ATF7: variants seen among roughly 807,000 people sequenced by gnomAD.
The protein encoded by ATF7 is activating transcription factor 7.
A neutral mutation model predicts 50.4 loss-of-function variants in ATF7; 10 were observed. The ratio of observed to expected loss-of-function variants is 0.20; its 90% CI spans 0.12 to 0.34. The LOEUF is 0.34. ATF7 is among the 10% of genes least tolerant of loss of function. ATF7 has a pLI of 1.00. For missense variants in ATF7, 465 were observed against 613.9 expected (o/e 0.76, Z 2.56); for synonymous variants, 201 against 226.4 (o/e 0.89, Z 1.01).
chr12:53,547,787 GTA>G (rs1247346237), intron 3 of ATF7, among the ~76,000 whole-genome samples: 1 of 142,578 alleles, frequency 7.0e-6, no homozygotes, highest in African/African-American at 2.6e-5. Context: ...ATGTATGTAT[GTA>G]TGTATGATGT....
At chr12:53,613,885 A>G (rs1944000955) in intron 1 of ATF7, among the ~76,000 whole-genome samples, 1 of 151,194 alleles carries the variant, frequency 6.6e-6, no homozygotes, top group African/African-American at 2.4e-5. Context: ...TTTGAGATCC[A>G]CTGCTTTAAG....
intron 1 of ATF7, among the ~76,000 whole-genome samples, chr12:53,601,618 C>T (rs1243056597): frequency 1.3e-5 from 2 of 152,160 alleles, no homozygotes; most frequent in Non-Finnish European, 2.9e-5. Flanking sequence ...GCCTCCTCCT[C>T]CCCCCACCAA....
At chr12:53,508,075 T>TAAC (rs1944053058), downstream of ATF7, 1 of 151,946 alleles carries the variant, frequency 6.6e-6, no homozygotes, top group African/African-American at 2.4e-5. Flanking sequence ...GGAGAGAATT[T>TAAC]AACTTTTTTT....
At chr12:53,518,974 A>T (rs1937914854) in intron 11 of ATF7, among the ~76,000 whole-genome samples, 1 of 151,406 alleles carries the variant, frequency 6.6e-6, no homozygotes, top group Non-Finnish European at 1.5e-5. Context: ...GAATGGTGTG[A>T]ACCCGGGAGG....
At chr12:53,600,880 CTT>C in intron 2 of ATF7, 71 bp downstream of exon 2, 2 of 1,466,752 alleles carry the variant, frequency 1.4e-6, no homozygotes, top group Non-Finnish European at 1.9e-6. Context: ...GCTTTAAACT[CTT>C]TGCCTTAGTG....
chr12:53,576,934 T>C (rs998441419), intron 2 of ATF7, among the ~76,000 whole-genome samples: 1 of 152,114 alleles, frequency 6.6e-6, no homozygotes, highest in Non-Finnish European at 1.5e-5. Flanking sequence ...CGCAAGACTG[T>C]AGTCCCAACT....
intron 5 of ATF7, among the ~76,000 whole-genome samples, chr12:53,536,709 G>A (rs747236708): frequency 2.2e-4 from 34 of 151,858 alleles, no homozygotes; most frequent in Non-Finnish European, 4.3e-4. Flanking sequence ...CAAATGTGGT[G>A]AAACCCCATC....
chr12:53,597,269 A>G (rs1244316755), intron 2 of ATF7, among the ~76,000 whole-genome samples: 1 of 152,170 alleles, frequency 6.6e-6, no homozygotes, highest in South Asian at 2.1e-4. Context: ...TCATGAACAG[A>G]ATCCAAAAAT....
rs978068597 is a variant in ATF7 at position 53,569,175 on chromosome 12, T to TA, written c.49-16539dup. Among the ~76,000 whole-genome samples the TA allele has an allele frequency of 3.3e-5, 5 of 151,562 alleles. No individual in the cohort carries two copies. In the South Asian group the frequency reaches 6.3e-4, roughly 19 times the overall value. ...CGACAGAGGAGGGCTCCATGTCTCT[T>TA]AAAAAAAATAAAAAATAAAAAAGGA... is the stretch of plus-strand genomic sequence containing the variant. On this transcript the variant is annotated intron_variant, in intron 2 of 11. Transcript: ENST00000420353.
intron 2 of ATF7, among the ~76,000 whole-genome samples, chr12:53,596,481 A>C (rs1271306103): frequency 6.6e-6 from 1 of 152,184 alleles, no homozygotes; most frequent in Non-Finnish European, 1.5e-5. Flanking sequence ...CTTCTGTTCA[A>C]ACACTTGATT....
chr12:53,601,168 AC>A (rs920216144), intron 1 of ATF7, 147 bp from the exon 2 acceptor site: 1 of 605,302 alleles, frequency 1.7e-6, no homozygotes, highest in African/African-American at 1.9e-5. Flanking sequence ...CTTTGGGGAG[AC>A]CCATTAGACA....
Position 53,585,131 on chromosome 12 carries a change from C to A in ATF7, c.48+15822G>T, listed in dbSNP as rs142595195. Among the ~76,000 whole-genome samples, 31 of 152,166 alleles carry A rather than the reference C, an allele frequency of 2.0e-4. No individual in the cohort carries two copies. In the East Asian group the frequency reaches 5.8e-3, roughly 28 times the overall value. Reference sequence around the variant, plus strand: ...GGGACTACAGGTGCACATTACCACACCTGGCTAATTTTTAATTTTTTTTTT... The same window carrying A: ...GGGACTACAGGTGCACATTACCACAACTGGCTAATTTTTAATTTTTTTTTT... On this transcript the variant is annotated intron_variant, in intron 2 of 11. Transcript: ENST00000420353.
At chr12:53,611,459 A>G (rs895386788) in intron 1 of ATF7, among the ~76,000 whole-genome samples, 9 of 152,136 alleles carry the variant, frequency 5.9e-5, no homozygotes, top group African/African-American at 1.9e-4. Flanking sequence ...CGCAAAACAA[A>G]CAAACAAACA....
chr12:53,548,365 C>T lies in ATF7; in HGVS notation c.145+4176G>A, dbSNP rs886201564. 2.6e-5 allele frequency among the ~76,000 whole-genome samples: 4 copies of T among 152,056 alleles called. No individual in the cohort carries two copies. In the East Asian group the frequency reaches 5.8e-4, roughly 22 times the overall value. On this transcript the variant is annotated intron_variant, in intron 3 of 11. Coordinates refer to ENST00000420353, the MANE Select transcript of ATF7 (RefSeq NM_006856.3). The stretch of plus-strand genomic sequence containing the variant: ...TTATTCTTTTTTAGAGACAAGGTCT[C>T]GATTTGTCATCCAGTGAATGCAGTG...
At chr12:53,552,695 C>T in intron 2 of ATF7, 58 bp from the exon 3 acceptor site, 3 of 1,350,672 alleles carry the variant, frequency 2.2e-6, no homozygotes, top group Non-Finnish European at 2.1e-6. Flanking sequence ...CGATTCGGTG[C>T]CCTTTTAAAA....
At chr12:53,574,120 T>C (rs555520302) in intron 2 of ATF7, among the ~76,000 whole-genome samples, 65 of 152,114 alleles carry the variant, frequency 4.3e-4, no homozygotes, top group African/African-American at 1.5e-3. Flanking sequence ...CCAGAACCAG[T>C]GAGATATGAC....
chr12:53,510,462 C>T (rs1394343758), downstream of ATF7, among the ~76,000 whole-genome samples: 3 of 152,206 alleles, frequency 2.0e-5, no homozygotes, highest in Admixed American at 6.5e-5. Context: ...AGAGGAGCAG[C>T]GGTGTGAGGG....
At chr12:53,621,659 C>A (rs1944386124) in intron 1 of ATF7, among the ~76,000 whole-genome samples, 1 of 150,978 alleles carries the variant, frequency 6.6e-6, no homozygotes, top group Admixed American at 6.6e-5. Flanking sequence ...TGTGGTGGTG[C>A]AGGCCTGTAA....
chr12:53,539,752 G>A (rs2137419060), intron 4 of ATF7, among the ~76,000 whole-genome samples: 1 of 151,214 alleles, frequency 6.6e-6, no homozygotes, highest in Non-Finnish European at 1.5e-5. Context: ...CAAAAAGACT[G>A]TGGCTAGTTC....
Sources: gnomAD v4.1 joint callset for allele counts (sites outside exome capture counted in the v4.1 genomes callset) on GRCh38, gnomAD v4.1.1 for gene constraint, MANE v1.5 for transcripts, NCBI Gene and HGNC (gene_info 2026-07-23, HGNC 2026-07-21) for gene names.